Variants in CTTNBP2 observed in about 807,000 individuals in gnomAD.
CTTNBP2 encodes cortactin-binding protein 2.
A neutral mutation model predicts 156.9 loss-of-function variants in CTTNBP2; 108 were observed. The observed-to-expected ratio is 0.69, with a 90% CI of 0.59 to 0.81. The LOEUF is 0.81. Among genes scored for constraint, CTTNBP2 ranks in the 30% least tolerant of loss-of-function variants. CTTNBP2 has a pLI of 0.00. For missense variants in CTTNBP2, 1,924 were observed against 2,035.4 expected, an observed-to-expected ratio of 0.95 and a Z score of 1.05; for synonymous variants, 767 against 751.8, an observed-to-expected ratio of 1.02 and a Z score of -0.33.
intron 22 of CTTNBP2, among the ~76,000 whole-genome samples, chr7:117,717,049 T>C (rs539458815): frequency 3.1e-4 from 47 of 152,382 alleles, no homozygotes; most frequent in African/African-American, 1.1e-3. Flanking sequence ...AACCATATAT[T>C]ACAAAGTGCT....
At chr7:117,740,266 T>G (rs34751868) in intron 14 of CTTNBP2, among the ~76,000 whole-genome samples, 1 of 126,940 alleles carries the variant, frequency 7.9e-6, no homozygotes, top group African/African-American at 3.6e-5. Context: ...AATCTCCATT[T>G]AAGTTTTAGA....
chr7:117,835,089 T>A (rs2117098899), intron 2 of CTTNBP2, among the ~76,000 whole-genome samples: 1 of 152,356 alleles, frequency 6.6e-6, no homozygotes, highest in East Asian at 1.9e-4. Context: ...GGTGGAATTC[T>A]AAACCTGAGC....
At chr7:117,720,793 TGAAAC>T (rs1794744457) in intron 20 of CTTNBP2, among the ~76,000 whole-genome samples, 1 of 152,224 alleles carries the variant, frequency 6.6e-6, no homozygotes, top group African/African-American at 2.4e-5. Flanking sequence ...TTTGATCAAA[TGAAAC>T]CTATAATATT....
chr7:117,751,375 G>A (rs906689703), intron 12 of CTTNBP2, among the ~76,000 whole-genome samples: 3 of 152,098 alleles, frequency 2.0e-5, no homozygotes, highest in Non-Finnish European at 4.4e-5. Context: ...AAACAAAAAC[G>A]AAAAATAAAA....
intron 2 of CTTNBP2, among the ~76,000 whole-genome samples, chr7:117,826,213 A>C (rs184089305): frequency 9.2e-5 from 14 of 152,336 alleles, no homozygotes; most frequent in Admixed American, 2.6e-4. Flanking sequence ...CCCAAGGATG[A>C]AAATGAACTC....
Position 117,833,767 on chromosome 7 carries a change from C to T in CTTNBP2, c.190-22778G>A, listed in dbSNP as rs1450408141. 2.0e-5 allele frequency among the ~76,000 whole-genome samples: 3 copies of T among 152,212 alleles called. No homozygotes were observed. In the East Asian group the frequency reaches 5.8e-4, roughly 29 times the overall value. On this transcript the variant is annotated intron_variant, in intron 2 of 22. Transcript: ENST00000160373. Reference sequence around the variant, plus strand: ...AAGCCATACTCATGTTTATTGTGAGCACTTTACCTAGTACACAACAAGCAC... The same window carrying T: ...AAGCCATACTCATGTTTATTGTGAGTACTTTACCTAGTACACAACAAGCAC...
chr7:117,827,138 C>T (rs1380204959), intron 2 of CTTNBP2, among the ~76,000 whole-genome samples: 3 of 152,132 alleles, frequency 2.0e-5, no homozygotes, highest in Admixed American at 1.3e-4. Flanking sequence ...GGATTACAGG[C>T]ATTAGCCACC....
intron 10 of CTTNBP2, among the ~76,000 whole-genome samples, chr7:117,759,968 A>G (rs565687947): frequency 9.8e-5 from 15 of 152,316 alleles, no homozygotes; most frequent in Admixed American, 5.9e-4. Flanking sequence ...ACCCTGATTC[A>G]TCCCATGTGG....
At chr7:117,832,030 C>T (rs549280461) in intron 2 of CTTNBP2, among the ~76,000 whole-genome samples, 1 of 152,116 alleles carries the variant, frequency 6.6e-6, no homozygotes, top group Admixed American at 6.5e-5. Context: ...GACATTTCAA[C>T]AAGCCCCCTG....
intron 3 of CTTNBP2, among the ~76,000 whole-genome samples, chr7:117,799,416 T>C (rs1193387697): frequency 2.0e-5 from 3 of 151,908 alleles, no homozygotes; most frequent in Non-Finnish European, 2.9e-5. Flanking sequence ...ACCAGGATTA[T>C]GTCAACAAAT....
chr7:117,760,140 G>T, intron 10 of CTTNBP2: 1 of 413,212 alleles, frequency 2.4e-6, no homozygotes. Context: ...AGCAGCTGTG[G>T]GGTGTTTAGT....
At chr7:117,780,212 T>C (rs1798341480) in intron 7 of CTTNBP2, among the ~76,000 whole-genome samples, 1 of 152,228 alleles carries the variant, frequency 6.6e-6, no homozygotes, top group South Asian at 2.1e-4. Context: ...GTTTTCCTGT[T>C]TGACAGATTA....
chr7:117,815,453 G>T (rs1800522435), intron 2 of CTTNBP2, among the ~76,000 whole-genome samples: 1 of 152,096 alleles, frequency 6.6e-6, no homozygotes, highest in Non-Finnish European at 1.5e-5. Context: ...GAAATAGAAA[G>T]TTACTTTTCT....
chr7:117,762,956 A>C (rs1402768365), intron 9 of CTTNBP2, among the ~76,000 whole-genome samples: 1 of 152,176 alleles, frequency 6.6e-6, no homozygotes, highest in East Asian at 1.9e-4. Flanking sequence ...CTTGAACCTT[A>C]GATATCCACA....
chr7:117,870,333 A>T (rs2117300877), intron 1 of CTTNBP2, among the ~76,000 whole-genome samples: 1 of 152,352 alleles, frequency 6.6e-6, no homozygotes, highest in African/African-American at 2.4e-5. Context: ...TATAGCTGCC[A>T]CGTAACTATA....
intron 3 of CTTNBP2, among the ~76,000 whole-genome samples, chr7:117,808,872 T>G (rs1800099275): frequency 6.6e-6 from 1 of 152,194 alleles, no homozygotes. Flanking sequence ...CATCAGCTGA[T>G]ACGGTATTTT....
chr7:117,811,714 A>G (rs959264717), intron 2 of CTTNBP2, among the ~76,000 whole-genome samples: 5 of 152,010 alleles, frequency 3.3e-5, no homozygotes, highest in African/African-American at 1.2e-4. Flanking sequence ...ATCAGGTTAA[A>G]TCACGCATAC....
intron 12 of CTTNBP2, among the ~76,000 whole-genome samples, chr7:117,748,575 TG>T (rs756081336): frequency 6.6e-6 from 1 of 152,240 alleles, no homozygotes; most frequent in Non-Finnish European, 1.5e-5. Flanking sequence ...ATCTCACTTC[TG>T]TTCTCTATAG....
intron 2 of CTTNBP2, among the ~76,000 whole-genome samples, chr7:117,818,085 T>C (rs949374437): frequency 1.3e-5 from 2 of 152,192 alleles, no homozygotes; most frequent in Non-Finnish European, 2.9e-5. Context: ...AAGACAAAAA[T>C]ATGACAATGT....
Sources: allele counts gnomAD v4.1 joint callset (sites outside exome capture counted in the v4.1 genomes callset), GRCh38; gene constraint gnomAD v4.1.1; transcripts MANE v1.5; gene names NCBI Gene and HGNC (gene_info 2026-07-23, HGNC 2026-07-21).